Variants in BTBD2 observed in about 807,000 individuals in gnomAD.
BTBD2 encodes BTB domain containing 2.
In BTBD2, 15 loss-of-function variants were observed where a neutral mutation model predicts 44.0. The ratio of observed to expected loss-of-function variants is 0.34; its 90% confidence interval spans 0.23 to 0.53. The LOEUF (loss-of-function observed/expected upper bound fraction) is 0.53, where lower values mean the gene tolerates loss of function less well. Ranked by LOEUF, BTBD2 falls within the 20% of genes least tolerant of loss-of-function variation. The pLI is 0.95. For missense variants in BTBD2, 657 were observed against 746.4 expected (o/e 0.88, Z 1.39); for synonymous variants, 443 against 335.9 (o/e 1.32, Z -3.49).
intron 2 of BTBD2, among the ~76,000 whole-genome samples, chr19:1,996,866 C>T (rs1477990107): frequency 2.0e-5 from 3 of 151,108 alleles, no homozygotes; most frequent in African/African-American, 2.4e-5. Flanking sequence ...AGCAAGACCA[C>T]GTCTAAAAAA....
At chr19:1,987,076 C>T (rs947734938) in intron 7 of BTBD2, 90 bp downstream of exon 7, 3 of 1,594,088 alleles carry the variant, frequency 1.9e-6, no homozygotes, top group Non-Finnish European at 2.6e-6. Context: ...AGCACAGGGA[C>T]CAGGGCCGGG....
chr19:2,012,692 G>A (rs949602082), intron 1 of BTBD2, among the ~76,000 whole-genome samples: 1 of 152,130 alleles, frequency 6.6e-6, no homozygotes, highest in Non-Finnish European at 1.5e-5. Context: ...GCTATCTCCC[G>A]CTGGGCCTCA....
At chr19:1,990,283 C>A (rs1419574563) in intron 4 of BTBD2, 82 bp from the exon 5 acceptor site, 35 of 1,470,194 alleles carry the variant, frequency 2.4e-5, no homozygotes, top group South Asian at 6.2e-5. Context: ...ACGTGAGGAC[C>A]AGCAGTTAAA....
At chr19:2,002,099 A>C (rs1382474234) in intron 1 of BTBD2, among the ~76,000 whole-genome samples, 3 of 150,970 alleles carry the variant, frequency 2.0e-5, no homozygotes, top group Non-Finnish European at 4.4e-5. Flanking sequence ...TTTAGTTTTT[A>C]CAGGTGTGGT....
At chr19:1,989,889 C>A in intron 5 of BTBD2, 115 bp downstream of exon 5, 2 of 1,218,282 alleles carry the variant, frequency 1.6e-6, no homozygotes, top group Admixed American at 2.0e-5. Context: ...TCTGTATATG[C>A]CAGGCATCTG....
chr19:1,992,940 T>G, intron 3 of BTBD2, 80 bp downstream of exon 3: 6 of 184,912 alleles, frequency 3.2e-5, no homozygotes, highest in African/African-American at 5.2e-5. Context: ...CGCCTCCGCC[T>G]CCAGCCTCGG....
At chr19:2,003,384 G>A (rs979091768) in intron 1 of BTBD2, 8 of 152,166 alleles carry the variant, frequency 5.3e-5, no homozygotes, top group Non-Finnish European at 1.2e-4. Context: ...TGAAGCAAGA[G>A]ACTTGCTTGA....
intron 1 of BTBD2, 37 bp from the exon 2 acceptor site, chr19:1,997,500 G>T: frequency 6.2e-7 from 1 of 1,611,656 alleles, no homozygotes; most frequent in South Asian, 1.1e-5. Context: ...TTAAGCCCGT[G>T]GCCGCCACCC....
rs1380523171 is a variant in BTBD2, at chr19:1,993,185, G to A, written c.528-9C>T. ...CGTCCGAGTAGAGAAACCTGCAGAA[G>A]CAACGCGGGTGGCCGTGAGGTGGGA... is the stretch of plus-strand genomic sequence containing the variant. On this transcript the variant is annotated splice_polypyrimidine_tract_variant and intron_variant, in intron 2 of 8. Transcript: ENST00000255608. 6.3e-7 allele frequency: 1 copy of A among 1,590,422 alleles called. No individual in the cohort carries two copies. The highest frequency in any genetic ancestry group is 1.7e-5 in the Admixed American group (1 of 58,650).
chr19:2,010,571 G>A (rs12984886), intron 1 of BTBD2, among the ~76,000 whole-genome samples: 14,343 of 152,060 alleles, frequency 0.094, 908 homozygotes, highest in Non-Finnish European at 0.14. Context: ...GGCAAGGCCC[G>A]GCCCCTCTCT....
Position 2,015,465 on chromosome 19 carries a change from G to C in BTBD2, c.239C>G (p.Ala80Gly). ...QAAGAERAEE[A>G]AGPGAAALQR... ...CAGCGCCGCCGCCCCCGGGCCCGCC[G>C]CCTCCTCCGCCCGCTCCGCGCCCGC... Residue 80 changes from alanine to glycine, a missense_variant, in exon 1 of 9, where the codon GCG becomes GGG. Ala to Gly is a moderately conservative substitution (Grantham distance 60). Around this residue, in one of 3 missense-constraint regions of BTBD2, gnomAD observed 191 missense variants for 188.5 expected, o/e 1.01. Coordinates refer to ENST00000255608, the MANE Select transcript of BTBD2 (RefSeq NM_017797.4). 7.5e-7 allele frequency: 1 copy of C among 1,333,976 alleles called. No homozygotes were observed. Among genetic ancestry groups the C allele is most frequent in the Non-Finnish European group, 9.6e-7 (1 of 1,043,416 alleles). 82.6% of individuals were successfully genotyped at this position (1,333,976 alleles called of 1,614,324 possible).
intron 2 of BTBD2, among the ~76,000 whole-genome samples, chr19:1,993,442 G>A (rs945619247): frequency 1.3e-5 from 2 of 152,168 alleles, no homozygotes; most frequent in Non-Finnish European, 2.9e-5. Context: ...ACCCGGAAGC[G>A]TCTATATGGC....
At chr19:2,012,211 G>A (rs1247018708) in intron 1 of BTBD2, among the ~76,000 whole-genome samples, 1 of 144,364 alleles carries the variant, frequency 6.9e-6, no homozygotes, top group Non-Finnish European at 1.5e-5. Flanking sequence ...GGAGTGCAAT[G>A]GCGCAATCTC....
intron 1 of BTBD2, among the ~76,000 whole-genome samples, chr19:2,010,483 C>G (rs1271323150): frequency 3.3e-5 from 5 of 152,164 alleles, no homozygotes; most frequent in African/African-American, 1.2e-4. Context: ...CCAGCCTCCT[C>G]TCTGCCATGT....
At chr19:2,009,794 A>T (rs35841198) in intron 1 of BTBD2, among the ~76,000 whole-genome samples, 4 of 151,846 alleles carry the variant, frequency 2.6e-5, no homozygotes, top group Non-Finnish European at 5.9e-5. Flanking sequence ...AGGCTGCAGC[A>T]TGCGGAGATC....
Position 2,015,410 on chromosome 19 carries a change from G to A in BTBD2, c.294C>T (p.Ala98=), listed in dbSNP as rs551745648. The A allele has an allele frequency of 6.5e-7, 1 of 1,547,586 alleles. No homozygotes were observed. Among genetic ancestry groups the A allele is most frequent in the Non-Finnish European group, 8.7e-7 (1 of 1,155,470 alleles). The change falls in exon 1 of 9, where the codon GCC becomes GCT. Residue 98 remains alanine, a synonymous_variant. Transcript: ENST00000255608. ...LQREAAYNWQ[A]SKPTVQERFA... ...AGCGCTCCTGCACGGTGGGCTTGCT[G>A]GCCTGCCAGTTGTACGCGGCCTCGC...
intron 1 of BTBD2, among the ~76,000 whole-genome samples, chr19:2,006,230 G>A (rs2016392691): frequency 6.6e-6 from 1 of 152,110 alleles, no homozygotes; most frequent in Admixed American, 6.6e-5. Context: ...CACATCTGTA[G>A]TCCGTACTGG....
In BTBD2 at chr19:2,015,639, G is replaced by C. The variant is rs1191626219; in HGVS notation, c.65C>G (p.Thr22Arg). ...CPPGVGVGPG[T>R]GGSPGPSANA... The stretch of plus-strand genomic sequence containing the variant: ...GGCGCTGGGCCCGGGACTGCCCCCC[G>C]TGCCCGGGCCGACCCCGACCCCCGG... The change falls in exon 1 of 9, where the codon ACG (threonine) becomes AGG (arginine). Residue 22 changes from threonine to arginine, a missense_variant. By Grantham distance (71) the Thr-to-Arg change is moderately conservative (BLOSUM62 -1). Coordinates refer to ENST00000255608, the MANE Select transcript of BTBD2 (RefSeq NM_017797.4). The C allele has an allele frequency of 1.0e-5, 10 of 987,600 alleles. No individual in the cohort carries two copies. In the African/African-American group the frequency reaches 1.5e-4, roughly 15 times the overall value. 61.2% of individuals were successfully genotyped at this position (987,600 alleles called of 1,614,324 possible). A position where few individuals can be genotyped will look rare whatever the true frequency, so the allele number is the denominator to read the frequency against.
Position 1,994,427 on chromosome 19 carries a change from G to A in BTBD2, c.528-1251C>T, listed in dbSNP as rs62129507. On this transcript the variant is annotated intron_variant, in intron 2 of 8. Coordinates refer to ENST00000255608, the MANE Select transcript of BTBD2 (RefSeq NM_017797.4). ...AGAGGATTGCCTGAGACCAGGAGTTGGAAACCAGTGTGGGCATGGTGAGAT... is the reference window on the plus strand; with the variant it reads ...AGAGGATTGCCTGAGACCAGGAGTTAGAAACCAGTGTGGGCATGGTGAGAT... 5.3e-4 allele frequency among the ~76,000 whole-genome samples: 81 copies of A among 152,020 alleles called. No homozygotes were observed. The South Asian group carries it at 7.9e-3, about 15-fold the overall frequency.
Sources: gnomAD v4.1 joint callset for allele counts (sites outside exome capture counted in the v4.1 genomes callset) on GRCh38, gnomAD v4.1.1 for gene constraint, gnomAD v4.1.1 regional missense constraint, MANE v1.5 for transcripts, NCBI Gene and HGNC (gene_info 2026-07-23, HGNC 2026-07-21) for gene names.